The following CLIP2 variants were observed in gnomAD, a reference collection of about 807,000 sequenced individuals.
The protein encoded by CLIP2 is CAP-Gly domain containing linker protein 2, also known as CAP-Gly domain-containing linker protein 2.
Under a neutral mutation model 111.7 loss-of-function variants are expected in CLIP2, and 41 were observed. The ratio of observed to expected loss-of-function variants is 0.37; its 90% CI spans 0.29 to 0.48. The LOEUF (loss-of-function observed/expected upper bound fraction) is 0.48. Ranked by LOEUF, CLIP2 falls within the 20% of genes least tolerant of loss-of-function variation. CLIP2 has a pLI of 0.99. For synonymous variants in CLIP2, 660 were observed against 644.2 expected (o/e 1.02, Z -0.37); for missense variants, 1,160 against 1,422.1 (o/e 0.82, Z 2.96).
At chr7:74,364,873 G>A in intron 8 of CLIP2, 1 of 455,356 alleles carries the variant, frequency 2.2e-6, no homozygotes. Context: ...AATTTAAAAA[G>A]TTAGCCAAGC....
In CLIP2 at chr7:74,317,498, G is replaced by A. The variant is rs1788814934; in HGVS notation, c.-49G>A. 4 of 1,348,106 alleles carry A rather than the reference G, an allele frequency of 3.0e-6. No individual in the cohort carries two copies. Among genetic ancestry groups the A allele is most frequent in the Admixed American group, 3.0e-5 (1 of 33,632 alleles). The allele number at this position is 1,348,106 out of a possible 1,614,324, so 83.5% of individuals were successfully genotyped here. Reference sequence around the variant, plus strand: ...CCCGCAGGTGAGTGAAGATGGCAGAGAGGACGTGACCAGCACTCACCCTTG... The same window carrying A: ...CCCGCAGGTGAGTGAAGATGGCAGAAAGGACGTGACCAGCACTCACCCTTG... On this transcript the variant is annotated 5_prime_UTR_variant, in exon 2 of 17. Coordinates refer to ENST00000223398, the MANE Select transcript of CLIP2 (RefSeq NM_003388.5).
intron 4 of CLIP2, among the ~76,000 whole-genome samples, chr7:74,355,126 G>T (rs1265671194): frequency 2.0e-5 from 3 of 152,210 alleles, no homozygotes; most frequent in Non-Finnish European, 4.4e-5. Context: ...GGCTGTGACT[G>T]CTTTGAGCAG....
intron 8 of CLIP2, chr7:74,364,930 T>C (rs1584363639): frequency 4.4e-6 from 2 of 450,232 alleles, no homozygotes; most frequent in Non-Finnish European, 8.9e-6. Flanking sequence ...AGGCTGAGGC[T>C]AGAGGATCGC....
chr7:74,332,799 T>C (rs1394118347), intron 2 of CLIP2, among the ~76,000 whole-genome samples: 1 of 152,138 alleles, frequency 6.6e-6, no homozygotes, highest in African/African-American at 2.4e-5. Context: ...GCAAGCTGAA[T>C]TGTAGTTGCT....
intron 3 of CLIP2, 57 bp from the exon 4 acceptor site, chr7:74,353,823 C>T (rs1234529417): frequency 1.2e-6 from 2 of 1,612,832 alleles, no homozygotes; most frequent in Non-Finnish European, 8.5e-7. Context: ...GGTGCCCCTG[C>T]CATCTCTGCC....
At position 74,353,939 on chromosome 7, in the gene CLIP2, C is replaced by A. The variant is rs1554308028; in HGVS notation, c.738C>A (p.Gly246=). The change falls in exon 4 of 17, where the codon GGC becomes GGA. Residue 246 remains glycine (G), a synonymous_variant. Coordinates refer to ENST00000223398, the MANE Select transcript of CLIP2 (RefSeq NM_003388.5). ...RYVGETDFAK[G]EWCGVELDEP... is the part of the protein sequence containing the mutation. ...TGGGGGAGACAGACTTTGCCAAGGG[C>A]GAGTGGTGTGGCGTGGAGCTGGACG... 3 of 1,613,904 alleles carry A rather than the reference C, an allele frequency of 1.9e-6. No homozygotes were observed. In the African/African-American group the frequency reaches 4.0e-5, roughly 22 times the overall value.
rs782126623 is a variant in CLIP2 at position 74,338,965 on chromosome 7, G to A, written c.639G>A (p.Lys213=). The change falls in exon 3 of 17, where the codon AAG becomes AAA. Residue 213 remains lysine (K), a synonymous_variant. Transcript: ENST00000223398. The surrounding 1 kb of genome is among the most constrained non-coding windows in gnomAD (Gnocchi z 4.3). ...ACCTCTCAGACAGCGGCTCTGTGAA[G>A]CGGGGCGAAAAGGACCTGCGCCTGG... ...GSNLSDSGSV[K]RGEKDLRLGD... is the part of the protein sequence containing the mutation. The A allele has an allele frequency of 1.2e-5, 19 of 1,599,066 alleles. No homozygotes were observed. The highest frequency in any genetic ancestry group is 1.4e-5 in the Non-Finnish European group (16 of 1,179,832).
chr7:74,348,539 C>T (rs1227869121), intron 3 of CLIP2, among the ~76,000 whole-genome samples: 2 of 151,896 alleles, frequency 1.3e-5, no homozygotes, highest in Non-Finnish European at 2.9e-5. Context: ...CCTGTAATCC[C>T]AGCACTTTGG....
intron 2 of CLIP2, among the ~76,000 whole-genome samples, chr7:74,333,470 C>T (rs1338170329): frequency 6.6e-6 from 1 of 151,312 alleles, no homozygotes; most frequent in Non-Finnish European, 1.5e-5. Context: ...AGGCATGAGC[C>T]ACCTTGCCCA....
intron 2 of CLIP2, among the ~76,000 whole-genome samples, chr7:74,334,632 G>A (rs1041747877): frequency 2.0e-5 from 3 of 152,120 alleles, no homozygotes; most frequent in African/African-American, 7.2e-5. Flanking sequence ...CCCTAGAAAT[G>A]GATATGGGGT....
chr7:74,313,177 G>T (rs1477710714), intron 1 of CLIP2, among the ~76,000 whole-genome samples: 4 of 151,842 alleles, frequency 2.6e-5, no homozygotes, highest in Non-Finnish European at 5.9e-5. Context: ...CTTAGCCGGG[G>T]CAGGGGATGG....
chr7:74,352,674 G>C (rs1554307765), intron 3 of CLIP2, among the ~76,000 whole-genome samples: 1 of 148,414 alleles, frequency 6.7e-6, no homozygotes, highest in Non-Finnish European at 1.5e-5. Context: ...TCAGGAGGCT[G>C]AGGTAGGAGA....
intron 2 of CLIP2, among the ~76,000 whole-genome samples, chr7:74,332,003 G>A (rs1554731374): frequency 6.6e-6 from 1 of 151,476 alleles, no homozygotes; most frequent in African/African-American, 2.4e-5. Context: ...GTAGATTATT[G>A]TGGTGGGTGG....
intron 12 of CLIP2, among the ~76,000 whole-genome samples, chr7:74,388,146 A>G (rs1299202352): frequency 6.6e-6 from 1 of 152,146 alleles, no homozygotes; most frequent in Admixed American, 6.6e-5. Context: ...CCTGGCCAAC[A>G]TGATGAAATC....
intron 8 of CLIP2, 96 bp downstream of exon 8, chr7:74,364,411 C>T (rs549634338): frequency 1.2e-5 from 13 of 1,092,376 alleles, no homozygotes; most frequent in South Asian, 5.6e-5. Flanking sequence ...ACCTCTAGGC[C>T]CCCCCGGGGA....
chr7:74,366,069 C>T (rs782808491), intron 8 of CLIP2, among the ~76,000 whole-genome samples: 2 of 152,134 alleles, frequency 1.3e-5, no homozygotes, highest in Non-Finnish European at 2.9e-5. Flanking sequence ...TGAGCCATCA[C>T]ATCTGGCCCC....
At chr7:74,339,055 G>A in intron 3 of CLIP2, 51 bp downstream of exon 3, 1 of 1,530,356 alleles carries the variant, frequency 6.5e-7, no homozygotes, top group African/African-American at 1.4e-5. Flanking sequence ...TCCCTCCCCT[G>A]CTCCGCCCCA....
At position 74,375,980 on chromosome 7, in the gene CLIP2, T is replaced by C. The variant is rs1554312708; in HGVS notation, c.1579T>C (p.Leu527=). The C allele has an allele frequency of 2.5e-6, 4 of 1,610,940 alleles. No homozygotes were observed. The highest frequency in any genetic ancestry group is 3.4e-6 in the Non-Finnish European group (4 of 1,179,228). ...AATCGAGGAGCTCCAGCAGTGCCTG[T>C]TGCACTCGGGTCCCCCACCTCCGGA... ...GEIEELQQCL[L]HSGPPPPDHP... Residue 527 remains leucine, a synonymous_variant, in exon 10 of 17, where the codon TTG becomes CTG. Transcript: ENST00000223398.
chr7:74,391,809 G>A (rs188551836), intron 13 of CLIP2, among the ~76,000 whole-genome samples: 1 of 151,868 alleles, frequency 6.6e-6, no homozygotes, highest in Admixed American at 6.6e-5. Flanking sequence ...AATAGAGTGA[G>A]ACTCTGTCTC....
Sources: gnomAD v4.1 joint callset for allele counts (sites outside exome capture counted in the v4.1 genomes callset) on GRCh38, gnomAD v4.1.1 for gene constraint, Gnocchi (gnomAD v3.1) non-coding constraint, MANE v1.5 for transcripts, NCBI Gene and HGNC (gene_info 2026-07-23, HGNC 2026-07-21) for gene names.